CDH23: variants seen among roughly 807,000 people sequenced by gnomAD.
CDH23 encodes the protein cadherin related 23, also known as cadherin-23.
A neutral mutation model predicts 317.1 loss-of-function variants in CDH23; 189 were observed. That is an observed-to-expected ratio of 0.60 (90% CI 0.53 to 0.67). The LOEUF is 0.67. CDH23 is among the 30% of genes least tolerant of loss of function. CDH23 has a pLI of 0.00. For synonymous variants in CDH23, 1,839 were observed against 1,876.8 expected (o/e 0.98, Z 0.52); for missense variants, 4,401 against 4,592.4 (o/e 0.96, Z 1.20).
chr10:71,793,113 A>G, intron 47 of CDH23, 69 bp from the exon 48 acceptor site: 1 of 1,225,520 alleles, frequency 8.2e-7, no homozygotes, highest in Non-Finnish European at 1.1e-6. Flanking sequence ...ATCACCAACA[A>G]ATGTGTCTTG....
intron 3 of CDH23, among the ~76,000 whole-genome samples, chr10:71,461,793 C>T (rs1851002034): frequency 6.6e-6 from 1 of 152,216 alleles, no homozygotes; most frequent in African/African-American, 2.4e-5. Flanking sequence ...AAAGTCAGAG[C>T]GTTCATTACA....
chr10:71,746,187 T>C (rs933669585), intron 38 of CDH23, among the ~76,000 whole-genome samples: 3 of 152,216 alleles, frequency 2.0e-5, no homozygotes, highest in Non-Finnish European at 4.4e-5. Context: ...GCTAGGAGCC[T>C]GGAAGCCAGG....
intron 6 of CDH23, among the ~76,000 whole-genome samples, chr10:71,523,026 T>A (rs1157119355): frequency 2.0e-5 from 3 of 152,170 alleles, no homozygotes; most frequent in Non-Finnish European, 4.4e-5. Context: ...CCCAAATGCA[T>A]TTAACCCTTG....
chr10:71,507,547 G>A (rs77923309), intron 3 of CDH23, among the ~76,000 whole-genome samples: 2,602 of 152,232 alleles, frequency 0.017, 71 homozygotes, highest in African/African-American at 0.06. Flanking sequence ...CGAAAAATTA[G>A]CTGGGCATGG....
At position 71,731,974 on chromosome 10, in the gene CDH23, T is replaced by G. The variant is rs1564763604; in HGVS notation, c.3716-13T>G. On this transcript the variant is annotated splice_polypyrimidine_tract_variant and intron_variant, in intron 31 of 69. Coordinates refer to ENST00000224721, the MANE Select transcript of CDH23 (RefSeq NM_022124.6). ...TCTATCTGGGACTGCACAGCCTCTG[T>G]GTCCTCCTACAGGGGATGGTGGCCT... is the stretch of plus-strand genomic sequence containing the variant. 1 of 1,611,396 alleles carries G rather than the reference T, an allele frequency of 6.2e-7. No individual in the cohort carries two copies.
At chr10:71,568,384 T>A (rs1857531683) in intron 7 of CDH23, among the ~76,000 whole-genome samples, 1 of 152,222 alleles carries the variant, frequency 6.6e-6, no homozygotes, top group African/African-American at 2.4e-5. Flanking sequence ...AACACGCAGA[T>A]GCTTGCCCGC....
intron 41 of CDH23, among the ~76,000 whole-genome samples, chr10:71,779,967 A>T (rs1840911195): frequency 6.6e-6 from 1 of 152,194 alleles, no homozygotes; most frequent in African/African-American, 2.4e-5. Context: ...GGAATCCCAG[A>T]TCCAAAGGCG....
At chr10:71,707,104 C>G in intron 26 of CDH23, 55 bp downstream of exon 26, 1 of 1,567,432 alleles carries the variant, frequency 6.4e-7, no homozygotes, top group Non-Finnish European at 8.7e-7. Context: ...CTGCCTCCAC[C>G]CCTCCCAGAT....
chr10:71,466,006 C>T (rs1012376302), intron 3 of CDH23, among the ~76,000 whole-genome samples: 2 of 152,098 alleles, frequency 1.3e-5, no homozygotes, highest in South Asian at 2.1e-4. Context: ...CTGTGCTGGG[C>T]GGCTCTTGCT....
rs1009983731 is a variant in CDH23 at position 71,789,898 on chromosome 10, C to A, written c.5924-390C>A. On this transcript the variant is annotated intron_variant, in intron 45 of 69. Transcript: ENST00000224721. ...GTGGGTTTTTCTAGTCATGTATGGC[C>A]AGGCCCCCAAAGGCAGAGCATTGTG... Among the ~76,000 whole-genome samples, 3 of 152,348 alleles carry A rather than the reference C, an allele frequency of 2.0e-5. No individual in the cohort carries two copies. In the East Asian group the frequency reaches 5.8e-4, roughly 29 times the overall value.
At position 71,628,533 on chromosome 10, in the gene CDH23, C is replaced by T. The variant is rs556225819; in HGVS notation, c.1134+11140C>T. 5.9e-5 allele frequency among the ~76,000 whole-genome samples: 9 copies of T among 152,224 alleles called. No homozygotes were observed. In the South Asian group the frequency reaches 1.9e-3, roughly 32 times the overall value. ...TTTGTTTTTGAGACAGAGTCTTGCTCTGTCGCCCATGCTGGAGTGCAGTGG... is the reference window on the plus strand; with the variant it reads ...TTTGTTTTTGAGACAGAGTCTTGCTTTGTCGCCCATGCTGGAGTGCAGTGG... On this transcript the variant is annotated intron_variant, in intron 11 of 69. Coordinates refer to ENST00000224721, the MANE Select transcript of CDH23 (RefSeq NM_022124.6).
Position 71,812,799 on chromosome 10 carries a change from A to G in CDH23, c.9542A>G (p.Lys3181Arg). 6.2e-7 allele frequency: 1 copy of G among 1,613,458 alleles called. No homozygotes were observed. Among genetic ancestry groups the G allele is most frequent in the Non-Finnish European group, 8.5e-7 (1 of 1,179,630 alleles). ...TTTGGGCGTGAGCCAGCAGCTGTCAAGCCTGATGATGACCGATACCTGCGG... is the reference window on the plus strand; with the variant it reads ...TTTGGGCGTGAGCCAGCAGCTGTCAGGCCTGATGATGACCGATACCTGCGG... ...GTFGREPAAV[K>R]PDDDRYLRAA... The change falls in exon 68 of 70, where the codon AAG becomes AGG. Residue 3181 changes from lysine to arginine, a missense_variant. Coordinates refer to ENST00000224721, the MANE Select transcript of CDH23 (RefSeq NM_022124.6).
At chr10:71,580,183 T>C (rs190749333) in intron 9 of CDH23, among the ~76,000 whole-genome samples, 488 of 152,290 alleles carry the variant, frequency 3.2e-3, no homozygotes, top group Admixed American at 5.7e-3. Flanking sequence ...ACCTCTCTAC[T>C]CTATCCTTCT....
intron 38 of CDH23, among the ~76,000 whole-genome samples, chr10:71,777,004 G>A (rs1010740544): frequency 2.0e-5 from 3 of 152,214 alleles, no homozygotes; most frequent in African/African-American, 7.2e-5. Flanking sequence ...AATATTACTT[G>A]TGGTCCAATT....
At chr10:71,772,906 G>A (rs1410940598) in intron 38 of CDH23, among the ~76,000 whole-genome samples, 1 of 152,204 alleles carries the variant, frequency 6.6e-6, no homozygotes, top group African/African-American at 2.4e-5. Context: ...ATGGGGCACT[G>A]GCTGAGCATA....
chr10:71,651,390 A>G (rs1863163142), intron 14 of CDH23, among the ~76,000 whole-genome samples: 1 of 132,602 alleles, frequency 7.5e-6, no homozygotes, highest in Admixed American at 7.7e-5. Context: ...AAAAAATGCC[A>G]GCTGTGGTGG....
At chr10:71,793,672 C>G (rs1404723138) in intron 48 of CDH23, 32 bp downstream of exon 48, 2 of 1,458,254 alleles carry the variant, frequency 1.4e-6, no homozygotes, top group African/African-American at 2.8e-5. Context: ...CCACCTCCCT[C>G]CCAGCTCCCA....
intron 9 of CDH23, among the ~76,000 whole-genome samples, chr10:71,597,465 C>T (rs1001075658): frequency 6.6e-6 from 1 of 152,178 alleles, no homozygotes; most frequent in African/African-American, 2.4e-5. Context: ...TCCCCACTCC[C>T]CACCTCATCC....
At chr10:71,551,977 C>T (rs1856621400) in intron 6 of CDH23, among the ~76,000 whole-genome samples, 1 of 152,244 alleles carries the variant, frequency 6.6e-6, no homozygotes. Context: ...GAATGCTCCT[C>T]AGGTGAGTGG....
Sources: allele counts gnomAD v4.1 joint callset (sites outside exome capture counted in the v4.1 genomes callset), GRCh38; gene constraint gnomAD v4.1.1; transcripts MANE v1.5; gene names NCBI Gene and HGNC (gene_info 2026-07-23, HGNC 2026-07-21).